The following GPC5 variants were observed in gnomAD, a reference collection of about 807,000 sequenced individuals.
The protein encoded by GPC5 is glypican 5.
Under a neutral mutation model 53.9 loss-of-function variants are expected in GPC5, and 47 were observed. The observed-to-expected ratio is 0.87, with a 90% confidence interval of 0.69 to 1.11. The LOEUF (loss-of-function observed/expected upper bound fraction) is 1.11. Among genes scored for constraint, GPC5 ranks in the 50% most tolerant of loss-of-function variants. The probability of loss-of-function intolerance (pLI) is 0.00; values close to 1 mark genes in which losing one functional copy is unlikely to be tolerated. For synonymous variants in GPC5, 286 were observed against 263.3 expected (o/e 1.09, Z -0.84); for missense variants, 748 against 713.1 (o/e 1.05, Z -0.56).
chr13:92,760,912 C>T (rs1875141692), intron 7 of GPC5, among the ~76,000 whole-genome samples: 1 of 152,028 alleles, frequency 6.6e-6, no homozygotes, highest in South Asian at 2.1e-4. Context: ...TTGACCCATT[C>T]ATTGTTCAGA....
intron 6 of GPC5, among the ~76,000 whole-genome samples, chr13:92,127,822 T>A (rs1036980323): frequency 6.6e-6 from 1 of 152,160 alleles, no homozygotes; most frequent in African/African-American, 2.4e-5. Context: ...ATGTGAAAAT[T>A]AACTTTTTTT....
intron 2 of GPC5, among the ~76,000 whole-genome samples, chr13:91,538,619 GTC>G (rs1886699163): frequency 1.7e-5 from 2 of 117,740 alleles, no homozygotes; most frequent in Admixed American, 1.1e-4. Context: ...GTCTTGCTCT[GTC>G]CCCCAGGCTG....
At chr13:92,174,658 A>C (rs1161352320) in intron 7 of GPC5, among the ~76,000 whole-genome samples, 3 of 152,232 alleles carry the variant, frequency 2.0e-5, no homozygotes, top group Non-Finnish European at 4.4e-5. Flanking sequence ...AAAAAGTATT[A>C]ATCACTTTAT....
intron 4 of GPC5, among the ~76,000 whole-genome samples, chr13:91,754,796 C>T (rs945718757): frequency 2.6e-5 from 4 of 152,044 alleles, no homozygotes; most frequent in African/African-American, 7.2e-5. Context: ...GCAGAGGAAA[C>T]GGACTTAAAG....
intron 5 of GPC5, among the ~76,000 whole-genome samples, chr13:91,839,896 G>C (rs2038765306): frequency 6.6e-6 from 1 of 151,992 alleles, no homozygotes; most frequent in Non-Finnish European, 1.5e-5. Context: ...AATGCTGTTA[G>C]ACATCATGGC....
At chr13:92,658,177 T>A (rs1209055416) in intron 7 of GPC5, among the ~76,000 whole-genome samples, 4 of 152,152 alleles carry the variant, frequency 2.6e-5, no homozygotes, top group Admixed American at 2.6e-4. Context: ...ATCCCAATAT[T>A]CATAATTATA....
intron 7 of GPC5, among the ~76,000 whole-genome samples, chr13:92,166,730 G>A (rs2042030409): frequency 6.6e-6 from 1 of 152,094 alleles, no homozygotes; most frequent in South Asian, 2.1e-4. Flanking sequence ...ATGAGGGAAG[G>A]GCTGTTTAAC....
At chr13:91,571,255 C>T (rs548336195) in intron 2 of GPC5, among the ~76,000 whole-genome samples, 3 of 152,164 alleles carry the variant, frequency 2.0e-5, no homozygotes, top group Middle Eastern at 6.8e-3. Context: ...ATAAACATTT[C>T]TGATTTTAAC....
chr13:92,197,103 G>C (rs1270999397), intron 7 of GPC5, among the ~76,000 whole-genome samples: 1 of 152,110 alleles, frequency 6.6e-6, no homozygotes, highest in African/African-American at 2.4e-5. Context: ...CCGCTCCTGC[G>C]AAGAGCTCAT....
intron 7 of GPC5, among the ~76,000 whole-genome samples, chr13:92,321,864 C>T (rs2139223913): frequency 6.6e-6 from 1 of 152,116 alleles, no homozygotes; most frequent in African/African-American, 2.4e-5. Flanking sequence ...GGTCCACTTT[C>T]TTTGAAATAA....
At chr13:91,995,747 T>C (rs1288287153) in intron 6 of GPC5, 2 of 152,232 alleles carry the variant, frequency 1.3e-5, no homozygotes, top group Non-Finnish European at 2.9e-5. Flanking sequence ...AGTTAGCTCA[T>C]TTGAAATTAT....
intron 5 of GPC5, among the ~76,000 whole-genome samples, chr13:91,780,494 G>T (rs1348346378): frequency 6.6e-6 from 1 of 150,958 alleles, no homozygotes; most frequent in Non-Finnish European, 1.5e-5. Flanking sequence ...TTCCTTTCTT[G>T]CTTTCTTTTA....
chr13:92,434,518 G>A (rs1248051640), intron 7 of GPC5, among the ~76,000 whole-genome samples: 3 of 152,028 alleles, frequency 2.0e-5, no homozygotes, highest in Non-Finnish European at 2.9e-5. Context: ...TGGAAAAATG[G>A]CTTGTATTCA....
At chr13:92,511,437 T>A (rs1490578730) in intron 7 of GPC5, among the ~76,000 whole-genome samples, 1 of 152,208 alleles carries the variant, frequency 6.6e-6, no homozygotes, top group Non-Finnish European at 1.5e-5. Context: ...CTAACGGTCA[T>A]ACTTGTAATT....
intron 7 of GPC5, among the ~76,000 whole-genome samples, chr13:92,396,338 G>T (rs1875268718): frequency 6.6e-6 from 1 of 151,938 alleles, no homozygotes; most frequent in Non-Finnish European, 1.5e-5. Flanking sequence ...CTTTCTTAGA[G>T]TTTCCATCTC....
intron 7 of GPC5, among the ~76,000 whole-genome samples, chr13:92,344,937 G>A (rs2043398192): frequency 6.6e-6 from 1 of 152,126 alleles, no homozygotes; most frequent in Admixed American, 6.6e-5. Context: ...TCAAAATCAT[G>A]AGACATTTGA....
At chr13:92,148,092 A>G (rs556558232) in intron 7 of GPC5, among the ~76,000 whole-genome samples, 2 of 152,236 alleles carry the variant, frequency 1.3e-5, no homozygotes, top group East Asian at 1.9e-4. Context: ...CATAAATAGC[A>G]CACAGTTCAT....
intron 2 of GPC5, among the ~76,000 whole-genome samples, chr13:91,681,699 T>C (rs1201216859): frequency 6.6e-6 from 1 of 152,206 alleles, no homozygotes; most frequent in Non-Finnish European, 1.5e-5. Context: ...TTAAACGGTA[T>C]CTTTCTTTCC....
intron 7 of GPC5, among the ~76,000 whole-genome samples, chr13:92,227,531 C>T (rs2139096165): frequency 6.6e-6 from 1 of 151,702 alleles, no homozygotes; most frequent in Non-Finnish European, 1.5e-5. Flanking sequence ...TAAACAGAGC[C>T]AAAGATCACC....
Sources: gnomAD v4.1 joint callset for allele counts (sites outside exome capture counted in the v4.1 genomes callset) on GRCh38, gnomAD v4.1.1 for gene constraint, MANE v1.5 for transcripts, NCBI Gene and HGNC (gene_info 2026-07-23, HGNC 2026-07-21) for gene names.